TNRC18: variants seen among roughly 807,000 people sequenced by gnomAD.
TNRC18 encodes the protein trinucleotide repeat-containing gene 18 protein.
Under a neutral mutation model 226.7 loss-of-function variants are expected in TNRC18, and 69 were observed. That is an observed-to-expected ratio of 0.30 (90% CI 0.25 to 0.37). The LOEUF (loss-of-function observed/expected upper bound fraction) is 0.37, where lower values mean the gene tolerates loss of function less well. TNRC18 is among the 10% of genes least tolerant of loss of function. The pLI, the probability that TNRC18 is intolerant of heterozygous loss-of-function variation, is 1.00. For missense variants in TNRC18, 4,754 were observed against 4,256.6 expected (o/e 1.12, Z -3.25); for synonymous variants, 2,449 against 1,927.6 (o/e 1.27, Z -7.09).
At chr7:5,365,915 C>CA (rs1793569206) in intron 11 of TNRC18, among the ~76,000 whole-genome samples, 1 of 152,034 alleles carries the variant, frequency 6.6e-6, no homozygotes, top group South Asian at 2.1e-4. Flanking sequence ...ACTAAAAATA[C>CA]AAAAAACTAG....
intron 2 of TNRC18, chr7:5,420,629 C>A: frequency 2.2e-6 from 1 of 460,452 alleles, no homozygotes; most frequent in Non-Finnish European, 4.3e-6. Context: ...GGGAACAGAA[C>A]CCAGGAGGGC....
chr7:5,404,627 C>T lies in TNRC18; in HGVS notation c.188-10032G>A, dbSNP rs568225683. 6.6e-5 allele frequency among the ~76,000 whole-genome samples: 10 copies of T among 152,184 alleles called. No homozygotes were observed. The East Asian group carries it at 1.5e-3, about 24-fold the overall frequency. The stretch of plus-strand genomic sequence containing the variant: ...CGCAAGGCTTACCGAGGACTGCAGG[C>T]GCCCAGACCCACTTCTGGGGATCCC... On this transcript the variant is annotated intron_variant, in intron 2 of 29. Coordinates refer to ENST00000430969, the MANE Select transcript of TNRC18 (RefSeq NM_001080495.3).
At position 5,307,936 on chromosome 7, in the gene TNRC18, G is replaced by A. The variant is rs1214004275; in HGVS notation, c.*170C>T. ...GGCATGTGCACATGCGTGCACACACGTGCATGCACACACACTCACCCGGGC... is the reference window on the plus strand; with the variant it reads ...GGCATGTGCACATGCGTGCACACACATGCATGCACACACACTCACCCGGGC... On this transcript the variant is annotated 3_prime_UTR_variant, in exon 30 of 30. Coordinates refer to ENST00000430969, the MANE Select transcript of TNRC18 (RefSeq NM_001080495.3). 2.0e-4 allele frequency: 129 copies of A among 633,110 alleles called. 2 individuals carry two copies. Among genetic ancestry groups the A allele is most frequent in the East Asian group, 1.3e-3 (49 of 36,388 alleles). 39.2% of individuals were successfully genotyped at this position (633,110 alleles called of 1,614,324 possible).
chr7:5,420,222 G>A (rs1451081968), intron 2 of TNRC18: 7 of 355,992 alleles, frequency 2.0e-5, no homozygotes, highest in South Asian at 1.0e-4. Flanking sequence ...CTCGGGAAAT[G>A]GTGGAGGCCG....
intron 17 of TNRC18, among the ~76,000 whole-genome samples, chr7:5,347,235 T>G (rs1791290344): frequency 6.6e-6 from 1 of 150,446 alleles, no homozygotes; most frequent in Non-Finnish European, 1.5e-5. Context: ...TCACCCAGGC[T>G]GGAGTGCAGT....
Position 5,307,926 on chromosome 7 carries a change from G to A in TNRC18, c.*180C>T, listed in dbSNP as rs1286791417. ...TGGGGCTGGAGGCATGTGCACATGC[G>A]TGCACACACGTGCATGCACACACAC... On this transcript the variant is annotated 3_prime_UTR_variant, in exon 30 of 30. Coordinates refer to ENST00000430969, the MANE Select transcript of TNRC18 (RefSeq NM_001080495.3). The A allele has an allele frequency of 6.0e-5, 37 of 619,346 alleles. No individual in the cohort carries two copies. The highest frequency in any genetic ancestry group is 2.6e-4 in the Admixed American group (9 of 34,694). 38.4% of individuals were successfully genotyped at this position (619,346 alleles called of 1,614,324 possible). A position where few individuals can be genotyped will look rare whatever the true frequency, so the allele number is the denominator to read the frequency against.
chr7:5,421,110 G>C lies in TNRC18; in HGVS notation c.137C>G (p.Pro46Arg). 1 of 1,473,442 alleles carries C rather than the reference G, an allele frequency of 6.8e-7. No homozygotes were observed. The highest frequency in any genetic ancestry group is 9.1e-7 in the Non-Finnish European group (1 of 1,103,366). 91.3% of individuals were successfully genotyped at this position (1,473,442 alleles called of 1,614,324 possible). A position where few individuals can be genotyped will look rare whatever the true frequency, so the allele number is the denominator to read the frequency against. The change falls in exon 2 of 30, where the codon CCG (proline) becomes CGG (arginine). Residue 46 changes from proline (P) to arginine (R), a missense_variant. Pro to Arg is a moderately radical substitution (Grantham distance 103). Coordinates refer to ENST00000430969, the MANE Select transcript of TNRC18 (RefSeq NM_001080495.3). ...GGCCATGTACTTCCCGGGCGGCAGC[G>C]GGCCGGGCAAGCCCGAGGCGGGCAA... ...GRLPASGLPG[P>R]LPPGKYMAGL...
At chr7:5,363,694 G>A (rs935793313) in intron 11 of TNRC18, among the ~76,000 whole-genome samples, 6 of 152,114 alleles carry the variant, frequency 3.9e-5, no homozygotes, top group African/African-American at 1.2e-4. Context: ...GCTAGGCACA[G>A]CATAAGCCTC....
chr7:5,415,721 C>G (rs1467269366), intron 2 of TNRC18, among the ~76,000 whole-genome samples: 2 of 151,794 alleles, frequency 1.3e-5, no homozygotes, highest in African/African-American at 4.8e-5. Context: ...TTTTAAACAT[C>G]AGATTACAAA....
intron 2 of TNRC18, among the ~76,000 whole-genome samples, chr7:5,399,222 G>C (rs547703875): frequency 1.3e-5 from 2 of 152,058 alleles, no homozygotes; most frequent in Non-Finnish European, 2.9e-5. Context: ...CACTGAGTTA[G>C]GCCCAGAGCT....
chr7:5,340,559 A>T (rs1790585590), intron 18 of TNRC18, among the ~76,000 whole-genome samples: 1 of 126,550 alleles, frequency 7.9e-6, no homozygotes, highest in African/African-American at 3.1e-5. Context: ...CAACATGGTG[A>T]AACCCCATCT....
intron 2 of TNRC18, among the ~76,000 whole-genome samples, chr7:5,404,577 A>G (rs1376780542): frequency 6.6e-6 from 1 of 152,134 alleles, no homozygotes; most frequent in East Asian, 1.9e-4. Context: ...GAGCCAATTC[A>G]TCTCCAGCTT....
At chr7:5,328,949 C>T (rs1789224315) in intron 19 of TNRC18, among the ~76,000 whole-genome samples, 1 of 152,190 alleles carries the variant, frequency 6.6e-6, no homozygotes, top group Non-Finnish European at 1.5e-5. Context: ...ACAATCACCA[C>T]TGCACTCCAG....
intron 27 of TNRC18, among the ~76,000 whole-genome samples, chr7:5,311,982 A>C (rs1787266366): frequency 6.6e-6 from 1 of 152,022 alleles, no homozygotes; most frequent in Non-Finnish European, 1.5e-5. Context: ...CTGAAAATAC[A>C]AAAATTAGCC....
chr7:5,396,443 G>A (rs1780697253), intron 2 of TNRC18, among the ~76,000 whole-genome samples: 4 of 152,112 alleles, frequency 2.6e-5, no homozygotes, highest in Non-Finnish European at 4.4e-5. Flanking sequence ...GATGGGTTGA[G>A]CCCAGGAGCT....
In TNRC18 at chr7:5,332,802, G is replaced by A; in HGVS notation, c.5967C>T (p.Ser1989=). 6.6e-7 allele frequency: 1 copy of A among 1,511,016 alleles called. No homozygotes were observed. The highest frequency in any genetic ancestry group is 2.6e-5 in the East Asian group (1 of 38,726). 93.6% of individuals were successfully genotyped at this position (1,511,016 alleles called of 1,614,324 possible). ...EPGFEAGPEA[S]DDDLWTRRRS... ...GGCGCCGCGTCCACAGGTCGTCGTC[G>A]CTGGCCTCGGGCCCCGCCTCGAAGC... is the stretch of plus-strand genomic sequence containing the variant. Residue 1989 remains serine, a synonymous_variant, in exon 19 of 30, where the codon AGC becomes AGT. Transcript: ENST00000430969.
chr7:5,419,382 C>G (rs1210733088), intron 2 of TNRC18, among the ~76,000 whole-genome samples: 1 of 152,200 alleles, frequency 6.6e-6, no homozygotes, highest in Non-Finnish European at 1.5e-5. Flanking sequence ...GCCAGAGAGA[C>G]CCGGGTACCG....
Position 5,421,360 on chromosome 7 carries a change from C to T in TNRC18, c.-114G>A, listed in dbSNP as rs1782577334. On this transcript the variant is annotated 5_prime_UTR_variant, in exon 2 of 30. Transcript: ENST00000430969. The stretch of plus-strand genomic sequence containing the variant: ...GAGTCCTCGGGCGGCGGGGGCTCCG[C>T]GGCGTGCATGGCGGCGGCCAGCGGG... The T allele has an allele frequency of 2.9e-6, 3 of 1,023,134 alleles. No individual in the cohort carries two copies. Among genetic ancestry groups the T allele is most frequent in the Non-Finnish European group, 3.7e-6 (3 of 805,850 alleles). 63.4% of individuals were successfully genotyped at this position (1,023,134 alleles called of 1,614,324 possible). A position where few individuals can be genotyped will look rare whatever the true frequency, so the allele number is the denominator to read the frequency against.
intron 17 of TNRC18, among the ~76,000 whole-genome samples, chr7:5,349,147 A>G (rs935397121): frequency 6.6e-6 from 1 of 152,204 alleles, no homozygotes; most frequent in African/African-American, 2.4e-5. Flanking sequence ...GAGCCCAGAA[A>G]GCCGAGAGCA....
Sources: allele counts gnomAD v4.1 joint callset (sites outside exome capture counted in the v4.1 genomes callset), GRCh38; gene constraint gnomAD v4.1.1; transcripts MANE v1.5; gene names NCBI Gene and HGNC (gene_info 2026-07-23, HGNC 2026-07-21).